The following MTMR8 variants were observed in gnomAD, a reference collection of about 807,000 sequenced individuals.
MTMR8 encodes the protein phosphatidylinositol-3,5-bisphosphate 3-phosphatase MTMR8.
Under a neutral mutation model 39.3 loss-of-function variants are expected in MTMR8, and 65 were observed. The ratio of observed to expected loss-of-function variants is 1.65; its 90% CI spans 1.35 to 2.03. The LOEUF (loss-of-function observed/expected upper bound fraction) is 2.03. Among genes scored for constraint, MTMR8 ranks in the 30% most tolerant of loss-of-function variants. The probability of loss-of-function intolerance (pLI) is 0.00; values close to 1 mark genes in which losing one functional copy is unlikely to be tolerated. For missense variants in MTMR8, 777 were observed against 538.9 expected (o/e 1.44, Z -4.37); for synonymous variants, 245 against 185.2 (o/e 1.32, Z -2.62).
At chrX:64,371,852 G>T (rs1924138325) in intron 1 of MTMR8, among the ~76,000 whole-genome samples, 1 of 110,202 alleles carries the variant, frequency 9.1e-6, no homozygotes, top group Non-Finnish European at 1.9e-5. Flanking sequence ...ATAATACTAT[G>T]GTTCCTAGGT....
At chrX:64,303,468 T>C (rs1408267987) in intron 12 of MTMR8, among the ~76,000 whole-genome samples, 2 of 112,269 alleles carry the variant, frequency 1.8e-5, no homozygotes, top group Non-Finnish European at 3.8e-5. Context: ...TCAGAATTAC[T>C]AGTTGATTTT....
chrX:64,340,504 G>A (rs1318068507), intron 8 of MTMR8, among the ~76,000 whole-genome samples: 2 of 111,246 alleles, frequency 1.8e-5, no homozygotes, highest in Non-Finnish European at 3.8e-5. Context: ...AAGGAGCAAG[G>A]AGAATAGTGA....
chrX:64,301,129 G>T (rs1321938107), intron 12 of MTMR8, among the ~76,000 whole-genome samples: 1 of 108,517 alleles, frequency 9.2e-6, no homozygotes, highest in Admixed American at 9.9e-5. Context: ...GGCCTGCCTT[G>T]CTAGATTGGG....
At chrX:64,281,128 G>A (rs775053222) in intron 12 of MTMR8, among the ~76,000 whole-genome samples, 4 of 111,365 alleles carry the variant, frequency 3.6e-5, no homozygotes, top group African/African-American at 1.3e-4. Flanking sequence ...ACTGCCCAAG[G>A]TAATTTAGAG....
At chrX:64,284,665 A>T (rs778424725) in intron 12 of MTMR8, among the ~76,000 whole-genome samples, 2 of 111,866 alleles carry the variant, frequency 1.8e-5, no homozygotes, top group East Asian at 2.8e-4. Context: ...GTGGGGGCCA[A>T]TATTCAACAT....
chrX:64,374,649 G>T (rs745372651), intron 1 of MTMR8, among the ~76,000 whole-genome samples: 1 of 111,653 alleles, frequency 9.0e-6, no homozygotes, highest in East Asian at 2.8e-4. Context: ...ACCTATAGTA[G>T]GTTGAATGGC....
chrX:64,336,743 G>A (rs897996974), intron 9 of MTMR8, among the ~76,000 whole-genome samples: 3 of 111,476 alleles, frequency 2.7e-5, no homozygotes, highest in African/African-American at 9.8e-5. Context: ...GTTGCAGTGA[G>A]CCAATATCGC....
At chrX:64,321,501 A>C (rs1402036572) in intron 12 of MTMR8, among the ~76,000 whole-genome samples, 1 of 112,132 alleles carries the variant, frequency 8.9e-6, no homozygotes, top group Non-Finnish European at 1.9e-5. Flanking sequence ...GAATTAATGA[A>C]CTTGAAGATA....
At chrX:64,291,104 G>T (rs1297601837) in intron 12 of MTMR8, among the ~76,000 whole-genome samples, 1 of 111,486 alleles carries the variant, frequency 9.0e-6, no homozygotes, top group Non-Finnish European at 1.9e-5. Flanking sequence ...TGAGCCAAAG[G>T]TAGCCTCTGC....
chrX:64,307,238 T>G (rs983059932), intron 12 of MTMR8, among the ~76,000 whole-genome samples: 7 of 112,103 alleles, frequency 6.2e-5, no homozygotes, highest in Admixed American at 1.9e-4. Flanking sequence ...GGAAAAGTTT[T>G]TAATTTTATT....
intron 8 of MTMR8, 24 bp downstream of exon 8, chrX:64,343,587 A>C: frequency 9.6e-7 from 1 of 1,038,421 alleles, no homozygotes; most frequent in Non-Finnish European, 1.3e-6. Flanking sequence ...AGTCAGTGCA[A>C]ATTTTAAAAG....
intron 13 of MTMR8, among the ~76,000 whole-genome samples, chrX:64,269,922 T>C (rs1931721157): frequency 9.0e-6 from 1 of 110,785 alleles, no homozygotes; most frequent in Non-Finnish European, 1.9e-5. Flanking sequence ...CTTTCTAGAG[T>C]GATCTGGGTA....
At chrX:64,273,503 C>A (rs1386932926) in intron 12 of MTMR8, among the ~76,000 whole-genome samples, 7 of 107,221 alleles carry the variant, frequency 6.5e-5, no homozygotes, top group Non-Finnish European at 1.4e-4. Context: ...ACAAAAAAAA[C>A]AAAACATAAA....
At chrX:64,313,271 C>T (rs1233715412) in intron 12 of MTMR8, among the ~76,000 whole-genome samples, 1 of 112,447 alleles carries the variant, frequency 8.9e-6, no homozygotes, top group Non-Finnish European at 1.9e-5. Flanking sequence ...ATAACTTGTG[C>T]AGCTTCTACA....
intron 12 of MTMR8, among the ~76,000 whole-genome samples, chrX:64,312,633 T>A (rs1417083524): frequency 8.9e-6 from 1 of 112,774 alleles, no homozygotes; most frequent in Non-Finnish European, 1.9e-5. Context: ...GAATAGTGAA[T>A]TGTTCCCAGA....
At chrX:64,365,024 C>T (rs1247863862) in intron 1 of MTMR8, among the ~76,000 whole-genome samples, 1 of 110,643 alleles carries the variant, frequency 9.0e-6, no homozygotes, top group African/African-American at 3.3e-5. Flanking sequence ...GACTGAAAAC[C>T]AAATTGATGA....
intron 13 of MTMR8, among the ~76,000 whole-genome samples, chrX:64,270,123 C>T (rs1458983341): frequency 1.8e-5 from 2 of 110,223 alleles, no homozygotes; most frequent in African/African-American, 6.6e-5. Flanking sequence ...ATGTTTCCTA[C>T]GATTTTAACT....
At chrX:64,386,264 C>A (rs752814691) in intron 1 of MTMR8, among the ~76,000 whole-genome samples, 14 of 111,797 alleles carry the variant, frequency 1.3e-4, no homozygotes, top group African/African-American at 2.3e-4. Flanking sequence ...AGATCTATAA[C>A]TAAATTTTCT....
intron 1 of MTMR8, among the ~76,000 whole-genome samples, chrX:64,387,000 G>C (rs1300650006): frequency 9.0e-6 from 1 of 111,648 alleles, no homozygotes; most frequent in South Asian, 3.8e-4. Context: ...GCTGCAGTGA[G>C]CCAAGTTCAT....
Sources: allele counts gnomAD v4.1 joint callset (sites outside exome capture counted in the v4.1 genomes callset), GRCh38; gene constraint gnomAD v4.1.1; transcripts MANE v1.5; gene names NCBI Gene and HGNC (gene_info 2026-07-23, HGNC 2026-07-21).